Variants in CDH18 observed in about 807,000 individuals in gnomAD.
The protein encoded by CDH18 is cadherin-18.
CDH18 carries 31 observed loss-of-function variants against 67.9 expected under a neutral mutation model. That is an observed-to-expected ratio of 0.46 (90% CI 0.34 to 0.62). The LOEUF (loss-of-function observed/expected upper bound fraction) is 0.62. CDH18 is among the 20% of genes least tolerant of loss of function. CDH18 has a pLI of 0.01. For synonymous variants in CDH18, 362 were observed against 347.2 expected, an observed-to-expected ratio of 1.04 and a Z score of -0.48; for missense variants, 890 against 975.5, an observed-to-expected ratio of 0.91 and a Z score of 1.17.
At chr5:19,493,078 C>T (rs1408755629) in intron 11 of CDH18, among the ~76,000 whole-genome samples, 1 of 152,142 alleles carries the variant, frequency 6.6e-6, no homozygotes. Context: ...CTACTACTTA[C>T]TGAAAAGTAA....
chr5:20,234,080 A>G (rs939382531), intron 2 of CDH18, among the ~76,000 whole-genome samples: 2 of 152,048 alleles, frequency 1.3e-5, no homozygotes, highest in African/African-American at 4.8e-5. Context: ...AAATGGGGAG[A>G]AAAAAAGAAT....
intron 10 of CDH18, 41 bp downstream of exon 10, chr5:19,520,616 T>C (rs1391701930): frequency 6.4e-7 from 1 of 1,573,088 alleles, no homozygotes; most frequent in East Asian, 2.3e-5. Flanking sequence ...GCGCTTGCAT[T>C]TATTCCATTC....
chr5:20,560,206 C>A (rs1331416702), intron 1 of CDH18, among the ~76,000 whole-genome samples: 1 of 152,032 alleles, frequency 6.6e-6, no homozygotes, highest in South Asian at 2.1e-4. Context: ...TTTAAAGGGA[C>A]TTGTCCTAGA....
intron 2 of CDH18, among the ~76,000 whole-genome samples, chr5:20,081,079 G>T (rs1466861155): frequency 6.6e-6 from 1 of 152,010 alleles, no homozygotes; most frequent in Non-Finnish European, 1.5e-5. Flanking sequence ...ATTTACTCAG[G>T]AAATGATTAA....
chr5:20,510,369 G>A (rs570416478), intron 1 of CDH18, among the ~76,000 whole-genome samples: 1 of 152,026 alleles, frequency 6.6e-6, no homozygotes, highest in Non-Finnish European at 1.5e-5. Flanking sequence ...GTTATGCAGT[G>A]CCCCTTCCTC....
chr5:20,504,303 G>A (rs1455195675), intron 1 of CDH18, among the ~76,000 whole-genome samples: 1 of 151,836 alleles, frequency 6.6e-6, no homozygotes, highest in Non-Finnish European at 1.5e-5. Flanking sequence ...TTTGTTTCTG[G>A]GATTTTTATG....
At chr5:20,374,566 A>G (rs1743259483) in intron 1 of CDH18, among the ~76,000 whole-genome samples, 1 of 152,184 alleles carries the variant, frequency 6.6e-6, no homozygotes, top group Admixed American at 6.5e-5. Context: ...AGAATCACTG[A>G]AGACACTTCT....
intron 2 of CDH18, among the ~76,000 whole-genome samples, chr5:20,099,571 T>A (rs1389790804): frequency 6.6e-6 from 1 of 150,894 alleles, no homozygotes; most frequent in Non-Finnish European, 1.5e-5. Context: ...TTATTATTCT[T>A]GCTTTAACAA....
chr5:20,180,574 C>T (rs1737606424), intron 2 of CDH18, among the ~76,000 whole-genome samples: 1 of 152,162 alleles, frequency 6.6e-6, no homozygotes, highest in South Asian at 2.1e-4. Context: ...TACTTCTACA[C>T]ACAAATGTTA....
chr5:19,732,217 A>C (rs1283400615), intron 4 of CDH18, among the ~76,000 whole-genome samples: 2 of 150,398 alleles, frequency 1.3e-5, no homozygotes, highest in Non-Finnish European at 3.0e-5. Flanking sequence ...AGTTGAGCTC[A>C]GGAGTTTGAG....
chr5:19,663,791 A>T (rs35814641), intron 5 of CDH18, among the ~76,000 whole-genome samples: 5,360 of 152,000 alleles, frequency 0.035, 296 homozygotes, highest in African/African-American at 0.12. Context: ...CAATATTTTT[A>T]AAAATGATAT....
intron 4 of CDH18, 78 bp downstream of exon 4, chr5:19,746,864 A>T: frequency 8.8e-7 from 1 of 1,135,530 alleles, no homozygotes; most frequent in Non-Finnish European, 1.3e-6. Flanking sequence ...ATATATAAGT[A>T]AAAATTGGTA....
intron 1 of CDH18, among the ~76,000 whole-genome samples, chr5:20,319,374 C>A (rs1006602017): frequency 3.9e-5 from 6 of 152,108 alleles, no homozygotes; most frequent in Admixed American, 2.6e-4. Flanking sequence ...GATTCAATTT[C>A]AAACCTATCA....
At chr5:19,520,529 T>C in intron 10 of CDH18, 128 bp downstream of exon 10, 2 of 762,528 alleles carry the variant, frequency 2.6e-6, no homozygotes, top group Admixed American at 8.0e-5. Context: ...AATAAAGCTT[T>C]ATGAAATTAT....
Position 20,070,413 on chromosome 5 carries a change from A to T in CDH18, c.-517-78399T>A, listed in dbSNP as rs115680892. On this transcript the variant is annotated intron_variant, in intron 2 of 14. Coordinates refer to the CDH18 transcript ENST00000507958. The stretch of plus-strand genomic sequence containing the variant: ...GGTTCAGGGTAATGTTTGTGTTATT[A>T]AATGATTTGGGGTATACACATACTC... 3.4e-3 allele frequency among the ~76,000 whole-genome samples: 519 copies of T among 152,270 alleles called. 7 individuals carry two copies. Among genetic ancestry groups the T allele is most frequent in the African/African-American group, 0.012 (502 of 41,552 alleles).
chr5:19,990,289 C>T (rs1799908324), upstream of CDH18, among the ~76,000 whole-genome samples: 4 of 152,182 alleles, frequency 2.6e-5, no homozygotes, highest in Non-Finnish European at 5.9e-5. Flanking sequence ...TTGACTGCCT[C>T]TAGTTGAATG....
chr5:20,513,802 CTT>C (rs1755197643), intron 1 of CDH18, among the ~76,000 whole-genome samples: 1 of 151,840 alleles, frequency 6.6e-6, no homozygotes, highest in Non-Finnish European at 1.5e-5. Flanking sequence ...TTTTATATGT[CTT>C]TTAAAAGCTT....
intron 2 of CDH18, among the ~76,000 whole-genome samples, chr5:20,073,439 T>A (rs559428146): frequency 6.6e-6 from 1 of 152,154 alleles, no homozygotes; most frequent in East Asian, 1.9e-4. Context: ...TTTCACTGCA[T>A]TTTGAACCAG....
chr5:20,221,014 C>A (rs1208398178), intron 2 of CDH18, among the ~76,000 whole-genome samples: 1 of 151,846 alleles, frequency 6.6e-6, no homozygotes, highest in African/African-American at 2.4e-5. Context: ...CCTTGTACAC[C>A]GTTGGTGGGT....
Sources: gnomAD v4.1 joint callset for allele counts (sites outside exome capture counted in the v4.1 genomes callset) on GRCh38, gnomAD v4.1.1 for gene constraint, MANE v1.5 for transcripts, NCBI Gene and HGNC (gene_info 2026-07-23, HGNC 2026-07-21) for gene names.